Variants in XKR9 observed in about 807,000 individuals in gnomAD.
XKR9 encodes XK-related protein 9.
XKR9 carries 32 observed loss-of-function variants against 32.0 expected under a neutral mutation model. That is an observed-to-expected ratio of 1.00 (90% CI 0.76 to 1.34). XKR9 has a LOEUF of 1.34. Ranked by LOEUF, XKR9 falls within the 40% of genes most tolerant of loss-of-function variation. XKR9 has a pLI of 0.00. For synonymous variants in XKR9, 168 were observed against 143.4 expected (o/e 1.17, Z -1.22); for missense variants, 546 against 429.7 (o/e 1.27, Z -2.39).
At chr8:70,897,527 A>G in the XKR9 span, among the ~76,000 whole-genome samples, 1 of 152,154 alleles carries the variant, frequency 6.6e-6, no homozygotes, top group Non-Finnish European at 1.5e-5. Flanking sequence ...TTTCCTCCAC[A>G]TCTTCACCAG....
chr8:70,692,353 C>T (rs969232562), intron 3 of XKR9, among the ~76,000 whole-genome samples: 10 of 151,990 alleles, frequency 6.6e-5, no homozygotes, highest in African/African-American at 2.4e-4. Flanking sequence ...AGAATCATGT[C>T]ATCTGCAAAC....
chr8:70,842,207 A>T, the XKR9 span, among the ~76,000 whole-genome samples: 1 of 152,144 alleles, frequency 6.6e-6, no homozygotes, highest in Non-Finnish European at 1.5e-5. Context: ...TGTCATCATC[A>T]TTATTCTGAC....
chr8:70,733,702 G>A, intron 4 of XKR9, 94 bp from the exon 5 acceptor site: 1 of 1,157,950 alleles, frequency 8.6e-7, no homozygotes, highest in Non-Finnish European at 1.1e-6. Flanking sequence ...GTGTTTGTGG[G>A]TGTGTGTATA....
At chr8:70,916,804 G>A in the XKR9 span, among the ~76,000 whole-genome samples, 1 of 150,776 alleles carries the variant, frequency 6.6e-6, no homozygotes, top group Admixed American at 6.6e-5. Context: ...TTATTCCATT[G>A]ATTGGAGTAT....
chr8:70,730,959 A>C (rs1276559529), intron 4 of XKR9, among the ~76,000 whole-genome samples: 1 of 152,218 alleles, frequency 6.6e-6, no homozygotes, highest in African/African-American at 2.4e-5. Flanking sequence ...CCACATGGTC[A>C]CAAAGTTAAG....
rs1176278029 is a variant in XKR9, at chr8:70,679,764, A to G, written c.-278-1017A>G. On this transcript the variant is annotated intron_variant, in intron 2 of 4. Coordinates refer to ENST00000408926, the MANE Select transcript of XKR9 (RefSeq NM_001011720.2). ...TATGCAGATTGTGTTCATTCAGACT[A>G]TGTTTATAAAATAGTAATAATAATA... 7.2e-5 allele frequency among the ~76,000 whole-genome samples: 11 copies of G among 152,324 alleles called. No individual in the cohort carries two copies. In the East Asian group the frequency reaches 7.7e-4, roughly 11 times the overall value.
chr8:71,050,284 TAGATATAG>T, the XKR9 span, among the ~76,000 whole-genome samples: 5 of 134,354 alleles, frequency 3.7e-5, no homozygotes, highest in African/African-American at 1.5e-4. Context: ...GATATAGATA[TAGATATAG>T]ATATATATAT....
chr8:70,836,218 C>A, the XKR9 span, among the ~76,000 whole-genome samples: 5 of 151,984 alleles, frequency 3.3e-5, no homozygotes, highest in Non-Finnish European at 7.4e-5. Flanking sequence ...TTTTTAGGTA[C>A]AATTTTCACA....
At chr8:71,012,607 C>T in the XKR9 span, among the ~76,000 whole-genome samples, 1 of 152,106 alleles carries the variant, frequency 6.6e-6, no homozygotes, top group African/African-American at 2.4e-5. Context: ...GATCCTATAC[C>T]AACTACTATC....
chr8:70,967,143 AG>A, the XKR9 span, among the ~76,000 whole-genome samples: 1 of 146,726 alleles, frequency 6.8e-6, no homozygotes, highest in Non-Finnish European at 1.5e-5. Flanking sequence ...GCTCACTGCA[AG>A]CTCCACCTCC....
the XKR9 span, among the ~76,000 whole-genome samples, chr8:70,868,440 G>A: frequency 5.9e-5 from 9 of 152,126 alleles, no homozygotes; most frequent in African/African-American, 2.2e-4. Context: ...TGCACTTGCA[G>A]TTTCAACACC....
chr8:70,920,554 A>T, the XKR9 span, among the ~76,000 whole-genome samples: 2,575 of 152,264 alleles, frequency 0.017, 39 homozygotes, highest in South Asian at 0.031. Flanking sequence ...ACATGTCTAC[A>T]TATGTGGCAT....
At chr8:70,824,202 C>A in the XKR9 span, among the ~76,000 whole-genome samples, 1 of 152,078 alleles carries the variant, frequency 6.6e-6, no homozygotes, top group African/African-American at 2.4e-5. Context: ...AAAATACTAT[C>A]TAATCATTTG....
At chr8:71,046,309 C>T in the XKR9 span, among the ~76,000 whole-genome samples, 1 of 152,148 alleles carries the variant, frequency 6.6e-6, no homozygotes, top group Non-Finnish European at 1.5e-5. Flanking sequence ...AAGGGCGGTG[C>T]AGGGGTAGCC....
the XKR9 span, among the ~76,000 whole-genome samples, chr8:71,050,234 G>GAT: frequency 0.01 from 1,001 of 95,628 alleles, 9 homozygotes; most frequent in Non-Finnish European, 0.014. Flanking sequence ...ATGCCTGGCA[G>GAT]AGATATATAT....
chr8:70,688,573 C>G (rs1315452905), intron 3 of XKR9, among the ~76,000 whole-genome samples: 3 of 152,208 alleles, frequency 2.0e-5, no homozygotes, highest in Middle Eastern at 3.4e-3. Flanking sequence ...CCCGCCACCA[C>G]GCCTGGCTAA....
the XKR9 span, among the ~76,000 whole-genome samples, chr8:71,043,175 C>T: frequency 2.0e-5 from 3 of 152,118 alleles, no homozygotes; most frequent in African/African-American, 7.2e-5. Context: ...CACTGTTCCC[C>T]CAGTGCCCTG....
chr8:70,782,260 T>A (rs929067828), intron 2 of XKR9, among the ~76,000 whole-genome samples: 2 of 152,232 alleles, frequency 1.3e-5, no homozygotes, highest in Admixed American at 1.3e-4. Flanking sequence ...GTGCATTTTA[T>A]TTTTATTTTT....
chr8:70,806,185 T>C, the XKR9 span, among the ~76,000 whole-genome samples: 1 of 152,010 alleles, frequency 6.6e-6, no homozygotes, highest in African/African-American at 2.4e-5. Flanking sequence ...GACCTGACCA[T>C]TGAAAGAAAA....
Sources: allele counts gnomAD v4.1 joint callset (sites outside exome capture counted in the v4.1 genomes callset), GRCh38; gene constraint gnomAD v4.1.1; transcripts MANE v1.5; gene names NCBI Gene and HGNC (gene_info 2026-07-23, HGNC 2026-07-21).